The following LYRM4 variants were observed in gnomAD, a reference collection of about 807,000 sequenced individuals.
LYRM4 encodes the protein LYR motif containing 4.
LYRM4 carries 9 observed loss-of-function variants against 11.7 expected under a neutral mutation model. The ratio of observed to expected loss-of-function variants is 0.77; its 90% CI spans 0.46 to 1.34. The LOEUF is 1.34. Among genes scored for constraint, LYRM4 ranks in the 40% most tolerant of loss-of-function variants. LYRM4 has a pLI of 0.00. For synonymous variants in LYRM4, 42 were observed against 40.4 expected, an observed-to-expected ratio of 1.04 and a Z score of -0.15; for missense variants, 133 against 112.5, an observed-to-expected ratio of 1.18 and a Z score of -0.82.
At chr6:5,079,266 A>G in the LYRM4 span, among the ~76,000 whole-genome samples, 1 of 152,254 alleles carries the variant, frequency 6.6e-6, no homozygotes, top group Non-Finnish European at 1.5e-5. Context: ...TAGGAAATAT[A>G]TGGAGGAAAC....
intron 2 of LYRM4, among the ~76,000 whole-genome samples, chr6:5,165,034 G>A (rs1308978298): frequency 2.7e-5 from 4 of 150,070 alleles, no homozygotes; most frequent in African/African-American, 9.8e-5. Context: ...TTCTACAGAA[G>A]CTTTCAAAAT....
chr6:5,142,377 G>C lies in LYRM4; in HGVS notation c.208-32886C>G, dbSNP rs192540415. Among the ~76,000 whole-genome samples the C allele has an allele frequency of 2.0e-5, 3 of 152,270 alleles. No homozygotes were observed. In the East Asian group the frequency reaches 5.8e-4, roughly 29 times the overall value. ...CACAACTAGCATCAACCTCCAGACA[G>C]CTAAGTAAAAGATGATTCCTGCCCC... On this transcript the variant is annotated intron_variant, in intron 2 of 2. Coordinates refer to ENST00000330636, the MANE Select transcript of LYRM4 (RefSeq NM_020408.6).
chr6:5,184,465 T>C (rs1019229647), intron 2 of LYRM4, among the ~76,000 whole-genome samples: 1 of 152,202 alleles, frequency 6.6e-6, no homozygotes, highest in African/African-American at 2.4e-5. Context: ...GCCATAAGGA[T>C]TGATTTTGCT....
intron 2 of LYRM4, among the ~76,000 whole-genome samples, chr6:5,111,214 T>TAA (rs11419534): frequency 6.6e-6 from 1 of 151,706 alleles, no homozygotes; most frequent in South Asian, 2.1e-4. Flanking sequence ...CAATGATCCT[T>TAA]AAAAAAAAGG....
chr6:5,080,012 T>C, the LYRM4 span, among the ~76,000 whole-genome samples: 1 of 152,212 alleles, frequency 6.6e-6, no homozygotes, highest in Non-Finnish European at 1.5e-5. Flanking sequence ...TCTATTACCA[T>C]GGGAATATTT....
chr6:5,179,953 T>C (rs189563360), intron 2 of LYRM4, among the ~76,000 whole-genome samples: 326 of 152,360 alleles, frequency 2.1e-3, no homozygotes, highest in Admixed American at 0.015. Context: ...GATGTAAGTA[T>C]GGCAGATAGA....
At chr6:5,153,985 C>G (rs979320537) in intron 2 of LYRM4, among the ~76,000 whole-genome samples, 1 of 152,092 alleles carries the variant, frequency 6.6e-6, no homozygotes, top group Non-Finnish European at 1.5e-5. Flanking sequence ...GCTGGCTCTT[C>G]CCTACATCTA....
intron 1 of LYRM4, among the ~76,000 whole-genome samples, chr6:5,222,283 A>G (rs564002962): frequency 7.2e-5 from 11 of 152,218 alleles, no homozygotes; most frequent in Non-Finnish European, 1.5e-4. Context: ...AGTACCAATA[A>G]CCAATAATGA....
intron 2 of LYRM4, among the ~76,000 whole-genome samples, chr6:5,187,146 G>A (rs1171047882): frequency 6.6e-6 from 1 of 152,134 alleles, no homozygotes; most frequent in Non-Finnish European, 1.5e-5. Context: ...TTCTTAACAT[G>A]ACCCCTAACA....
the LYRM4 span, among the ~76,000 whole-genome samples, chr6:5,058,571 T>C: frequency 1.1e-4 from 17 of 152,346 alleles, no homozygotes; most frequent in East Asian, 2.3e-3. Flanking sequence ...GCCAGCTCCA[T>C]GTGACTCAGC....
Position 5,166,178 on chromosome 6 carries a change from T to TA in LYRM4, c.207+50439dup, listed in dbSNP as rs200394413. ...CAGCTTTGGTAATGCATTAAAAACT[T>TA]AAAATTTTTTAAGAAACACATTACA... On this transcript the variant is annotated intron_variant, in intron 2 of 2. Transcript: ENST00000330636. Among the ~76,000 whole-genome samples the TA allele has an allele frequency of 8.0e-3, 1,214 of 152,308 alleles. 5 individuals carry two copies. The highest frequency in any genetic ancestry group is 0.041 in the Middle Eastern group (12 of 294).
At chr6:5,137,536 G>A (rs1380466156) in intron 2 of LYRM4, among the ~76,000 whole-genome samples, 2 of 152,166 alleles carry the variant, frequency 1.3e-5, no homozygotes, top group African/African-American at 2.4e-5. Context: ...TAATCTCACT[G>A]CATTGATACT....
intron 1 of LYRM4, among the ~76,000 whole-genome samples, chr6:5,256,297 C>T (rs1003581152): frequency 4.0e-5 from 6 of 151,498 alleles, no homozygotes; most frequent in Admixed American, 3.3e-4. Flanking sequence ...CAAGATCAGC[C>T]TGGCCAATAT....
At chr6:5,193,398 T>C (rs1394472991) in intron 2 of LYRM4, among the ~76,000 whole-genome samples, 1 of 152,054 alleles carries the variant, frequency 6.6e-6, no homozygotes, top group African/African-American at 2.4e-5. Flanking sequence ...TGAAGAAACA[T>C]GTAATAGAAG....
the LYRM4 span, among the ~76,000 whole-genome samples, chr6:5,098,358 T>C: frequency 6.6e-6 from 1 of 152,206 alleles, no homozygotes; most frequent in Non-Finnish European, 1.5e-5. Context: ...CAGGCTGCCT[T>C]TGGCTGCAGG....
chr6:5,225,247 C>CAAAAAAAA (rs35803077), intron 1 of LYRM4, among the ~76,000 whole-genome samples: 2 of 77,008 alleles, frequency 2.6e-5, no homozygotes, highest in African/African-American at 1.1e-4. Context: ...GACTCCGAAT[C>CAAAAAAAA]AAAAAAAAAA....
At chr6:5,058,004 G>A in the LYRM4 span, among the ~76,000 whole-genome samples, 33 of 152,064 alleles carry the variant, frequency 2.2e-4, no homozygotes, top group Admixed American at 1.6e-3. Flanking sequence ...CTCCTGCCTC[G>A]GCCTCCCAAA....
At chr6:5,210,999 G>A (rs953535804) in intron 2 of LYRM4, among the ~76,000 whole-genome samples, 1 of 152,040 alleles carries the variant, frequency 6.6e-6, no homozygotes, top group South Asian at 2.1e-4. Flanking sequence ...CCCTTAGATA[G>A]GGATTGACTT....
chr6:5,232,075 C>T (rs1763274117), intron 1 of LYRM4, among the ~76,000 whole-genome samples: 1 of 152,170 alleles, frequency 6.6e-6, no homozygotes, highest in African/African-American at 2.4e-5. Flanking sequence ...ATCAGAATGG[C>T]ACTTGGCATT....
Sources: allele counts gnomAD v4.1 joint callset (sites outside exome capture counted in the v4.1 genomes callset), GRCh38; gene constraint gnomAD v4.1.1; transcripts MANE v1.5; gene names NCBI Gene and HGNC (gene_info 2026-07-23, HGNC 2026-07-21).